SERINC5: variants seen among roughly 807,000 people sequenced by gnomAD.
The protein encoded by SERINC5 is serine incorporator 5.
A neutral mutation model predicts 63.1 loss-of-function variants in SERINC5; 41 were observed. That is an observed-to-expected ratio of 0.65 (90% CI 0.51 to 0.84). The LOEUF is 0.84. SERINC5 is among the 40% of genes least tolerant of loss of function. The pLI, the probability that SERINC5 is intolerant of heterozygous loss-of-function variation, is 0.00. For synonymous variants in SERINC5, 222 were observed against 215.2 expected (o/e 1.03, Z -0.28); for missense variants, 523 against 573.0 (o/e 0.91, Z 0.89).
chr5:80,245,855 T>G (rs998078157), intron 1 of SERINC5, among the ~76,000 whole-genome samples: 2 of 150,516 alleles, frequency 1.3e-5, no homozygotes, highest in African/African-American at 4.9e-5. Flanking sequence ...CCTCAGGTGA[T>G]CCACCCGCCT....
chr5:80,160,974 GTA>G (rs1400146893), intron 7 of SERINC5, among the ~76,000 whole-genome samples: 7 of 133,586 alleles, frequency 5.2e-5, no homozygotes, highest in East Asian at 2.0e-4. Context: ...GTATATATAT[GTA>G]TATATGTGTG....
At chr5:80,200,485 C>A (rs1189566614) in intron 2 of SERINC5, among the ~76,000 whole-genome samples, 2 of 147,760 alleles carry the variant, frequency 1.4e-5, no homozygotes, top group Non-Finnish European at 1.5e-5. Flanking sequence ...GACTCCATCT[C>A]AAAAAAACAA....
chr5:80,228,633 T>A (rs1305184997), intron 1 of SERINC5, among the ~76,000 whole-genome samples: 1 of 152,042 alleles, frequency 6.6e-6, no homozygotes, highest in Admixed American at 6.6e-5. Flanking sequence ...TTTTTTTATT[T>A]TATTTTTTGT....
intron 2 of SERINC5, chr5:80,198,731 T>C (rs1749653649): frequency 1.0e-6 from 1 of 984,930 alleles, no homozygotes; most frequent in African/African-American, 1.7e-5. Flanking sequence ...GCCTCTCTTC[T>C]GTAGGCCACG....
Position 80,142,974 on chromosome 5 carries a change from A to G in SERINC5, c.*689T>C. On this transcript the variant is annotated 3_prime_UTR_variant, in exon 12 of 12. Coordinates refer to ENST00000507668, the MANE Select transcript of SERINC5 (RefSeq NM_001174072.3). ...AACCACCTGGGGGGTGATCAGACAA[A>G]TTGTGCTTTTTCACATTATTACAAA... 1 of 985,490 alleles carries G rather than the reference A, an allele frequency of 1.0e-6. No homozygotes were observed. Among genetic ancestry groups the G allele is most frequent in the Non-Finnish European group, 1.2e-6 (1 of 829,960 alleles). The allele number at this position is 985,490 out of a possible 1,614,324, so 61.0% of individuals were successfully genotyped here.
chr5:80,197,968 T>C (rs1561417549), intron 2 of SERINC5, among the ~76,000 whole-genome samples: 1 of 152,020 alleles, frequency 6.6e-6, no homozygotes. Context: ...ACCTCCTGAG[T>C]AGCTGGGACT....
chr5:80,177,739 GT>G (rs1345711060), intron 3 of SERINC5, 146 bp downstream of exon 3: 2 of 669,718 alleles, frequency 3.0e-6, no homozygotes, highest in East Asian at 5.5e-5. Context: ...AACCATGTGG[GT>G]AAGTATCAAT....
At chr5:80,246,376 T>A (rs80184042) in intron 1 of SERINC5, among the ~76,000 whole-genome samples, 1,872 of 152,330 alleles carry the variant, frequency 0.012, 35 homozygotes, top group African/African-American at 0.041. Flanking sequence ...TATAAAAAAA[T>A]GATACTTAAA....
rs775035111 is a variant in SERINC5, at chr5:80,169,369, T to C, written c.729A>G (p.Ile243Met). The change falls in exon 6 of 12, where the codon ATA (isoleucine) becomes ATG (methionine). Residue 243 changes from isoleucine (I) to methionine (M), a missense_variant. Ile to Met is a conservative substitution (Grantham distance 10, BLOSUM62 1). Coordinates refer to ENST00000507668, the MANE Select transcript of SERINC5 (RefSeq NM_001174072.3). ...CCCAGGGTGAGATGGCTACCAATGA[T>C]ATAAGCAGGCACAGGCCTCCATTTA... ...LGVNGGLCLLISLVAISPWVQ... is the reference protein window; with the variant it reads ...LGVNGGLCLLMSLVAISPWVQ... 6 of 1,613,884 alleles carry C rather than the reference T, an allele frequency of 3.7e-6. No individual in the cohort carries two copies. The highest frequency in any genetic ancestry group is 3.3e-5 in the South Asian group (3 of 91,086).
At chr5:80,158,774 C>A in intron 8 of SERINC5, 62 bp downstream of exon 8, 9 of 1,537,248 alleles carry the variant, frequency 5.9e-6, no homozygotes, top group Non-Finnish European at 7.1e-6. Flanking sequence ...AAAGTTATTT[C>A]AATTCTTTTC....
intron 11 of SERINC5, among the ~76,000 whole-genome samples, chr5:80,133,090 G>A (rs933854899): frequency 6.6e-6 from 1 of 152,088 alleles, no homozygotes; most frequent in Non-Finnish European, 1.5e-5. Context: ...GGTTGTGTGT[G>A]GCACCTCTCC....
At position 80,197,458 on chromosome 5, in the gene SERINC5, C is replaced by T. The variant is rs78247454; in HGVS notation, c.195+5428G>A. ...CCACAGAGACAAAATAGATTAGTGG[C>T]TGCCTAGGGCTGGGGAGCTTGAGGG... On this transcript the variant is annotated intron_variant, in intron 2 of 11. Transcript: ENST00000507668. 6.7e-3 allele frequency among the ~76,000 whole-genome samples: 1,017 copies of T among 152,054 alleles called. 12 individuals are homozygous for T. Among genetic ancestry groups the T allele is most frequent in the African/African-American group, 0.023 (959 of 41,490 alleles).
intron 2 of SERINC5, chr5:80,198,462 G>T: frequency 1.1e-6 from 1 of 925,472 alleles, no homozygotes; most frequent in Non-Finnish European, 1.3e-6. Flanking sequence ...GGAAATAACT[G>T]ACAAGGGAGC....
In SERINC5 at chr5:80,176,209, GGA is replaced by G. The variant is rs757729455; in HGVS notation, c.457+1104_457+1105del. Among the ~76,000 whole-genome samples the G allele has an allele frequency of 4.6e-5, 7 of 152,050 alleles. No individual in the cohort carries two copies. The East Asian group carries it at 9.6e-4, about 21-fold the overall frequency. ...CGAAAAACAAAAAAAAGACTGAGCT[GGA>G]CCAGAGGGTTTCTAGGTCTCTTCTC... On this transcript the variant is annotated intron_variant, in intron 4 of 11. Transcript: ENST00000507668.
intron 1 of SERINC5, among the ~76,000 whole-genome samples, chr5:80,214,359 C>T (rs1750567969): frequency 6.6e-6 from 1 of 152,128 alleles, no homozygotes; most frequent in Non-Finnish European, 1.5e-5. Flanking sequence ...CTCTCTGCAA[C>T]AAGCATACAT....
chr5:80,240,334 A>T (rs1751892487), intron 1 of SERINC5, among the ~76,000 whole-genome samples: 1 of 152,236 alleles, frequency 6.6e-6, no homozygotes, highest in Non-Finnish European at 1.5e-5. Context: ...CCACAAGGTA[A>T]TTTGAAGACT....
chr5:80,221,082 C>G (rs866571544), intron 1 of SERINC5, among the ~76,000 whole-genome samples: 1 of 152,148 alleles, frequency 6.6e-6, no homozygotes, highest in African/African-American at 2.4e-5. Flanking sequence ...TGCTAGAGGA[C>G]CTTGGCTCAA....
intron 1 of SERINC5, among the ~76,000 whole-genome samples, chr5:80,224,131 C>G (rs1387478614): frequency 6.1e-5 from 3 of 49,448 alleles, no homozygotes; most frequent in African/African-American, 8.9e-5. Flanking sequence ...AAAACTCCGT[C>G]TCAAAAAAAA....
downstream of SERINC5, among the ~76,000 whole-genome samples, chr5:80,137,139 C>CAAAAAAAAAAAAA (rs869035894): frequency 1.3e-3 from 89 of 67,678 alleles, no homozygotes; most frequent in East Asian, 4.2e-3. Context: ...GACCCTGTCT[C>CAAAAAAAAAAAAA]AAAAAAAAAA....
Sources: gnomAD v4.1 joint callset for allele counts (sites outside exome capture counted in the v4.1 genomes callset) on GRCh38, gnomAD v4.1.1 for gene constraint, MANE v1.5 for transcripts, NCBI Gene and HGNC (gene_info 2026-07-23, HGNC 2026-07-21) for gene names.